Variants in CDRT4 observed in about 807,000 individuals in gnomAD.
CDRT4 encodes the protein CMT1A duplicated region transcript 4 protein.
For missense variants in CDRT4, 167 were observed against 193.1 expected (o/e 0.87, Z 0.80); for synonymous variants, 64 against 69.6 (o/e 0.92, Z 0.40).
At chr17:15,443,709 C>T in intron 2 of CDRT4, 1 of 462,214 alleles carries the variant, frequency 2.2e-6, no homozygotes, top group Non-Finnish European at 4.2e-6. Flanking sequence ...AAGGGACACA[C>T]AGTTATCGTG....
chr17:15,461,731 T>C (rs1979757532), intron 1 of CDRT4, among the ~76,000 whole-genome samples: 1 of 152,192 alleles, frequency 6.6e-6, no homozygotes, highest in African/African-American at 2.4e-5. Context: ...CTCAGTGCAA[T>C]GCTGTGCGCC....
chr17:15,460,429 T>C (rs893590893), intron 1 of CDRT4, among the ~76,000 whole-genome samples: 10 of 152,200 alleles, frequency 6.6e-5, no homozygotes, highest in Admixed American at 4.6e-4. Context: ...ACTCACACTA[T>C]AGGTGTTTAT....
chr17:15,440,212 T>A lies in CDRT4; in HGVS notation c.27A>T (p.Glu9Asp). Reference protein sequence around the residue: MDARRMKKEEGLTENTGLP... With the variant: MDARRMKKDEGLTENTGLP... ...TGGTAACACTCCCAACCCTACCTTC[T>A]TCTTTCTTCATCCTTCTTGCATCCA... Residue 9 changes from glutamate (E) to aspartate (D), a missense_variant, in exon 3 of 4, where the codon GAA becomes GAT. Physicochemically the swap from Glu to Asp is conservative, Grantham distance 45. Coordinates refer to ENST00000619038, the MANE Select transcript of CDRT4 (RefSeq NM_001204477.2). 1 of 1,613,908 alleles carries A rather than the reference T, an allele frequency of 6.2e-7. No individual in the cohort carries two copies. The highest frequency in any genetic ancestry group is 1.1e-5 in the South Asian group (1 of 91,070).
At chr17:15,445,906 G>A (rs1396349253) in intron 2 of CDRT4, among the ~76,000 whole-genome samples, 1 of 152,132 alleles carries the variant, frequency 6.6e-6, no homozygotes, top group African/African-American at 2.4e-5. Flanking sequence ...ACAGGAGCCT[G>A]ATGCAAACCC....
At position 15,464,622 on chromosome 17, in the gene CDRT4, C is replaced by T. The variant is rs1979911720; in HGVS notation, c.-130+2838G>A. Among the ~76,000 whole-genome samples the T allele has an allele frequency of 6.6e-6, 1 of 152,082 alleles. No homozygotes were observed. Among genetic ancestry groups the T allele is most frequent in the Non-Finnish European group, 1.5e-5 (1 of 68,016 alleles). On this transcript the variant is annotated intron_variant, in intron 1 of 3. Transcript: ENST00000619038. This position sits in a 1 kb window ranked among gnomAD's most constrained non-coding sequence, Gnocchi z 4.5. ...CCTCCCTGGCAGCTTCCCTCTGCTC[C>T]CCTCTCCAGCACTTTTCCAAATGTC...
At chr17:15,456,751 C>T (rs1343128849) in intron 1 of CDRT4, among the ~76,000 whole-genome samples, 3 of 152,130 alleles carry the variant, frequency 2.0e-5, no homozygotes, top group African/African-American at 4.8e-5. Flanking sequence ...CCACCAAAGA[C>T]TCTGTGGAGC....
Position 15,438,054 on chromosome 17 carries a change from C to A in CDRT4, c.178G>T (p.Glu60Ter). 1 of 1,614,124 alleles carries A rather than the reference C, an allele frequency of 6.2e-7. No homozygotes were observed. Among genetic ancestry groups the A allele is most frequent in the Non-Finnish European group, 8.5e-7 (1 of 1,180,024 alleles). The change falls in exon 4 of 4, where the codon GAA (glutamate) becomes TAA (stop). Residue 60 changes from glutamate to a stop codon, truncating the protein, a stop_gained. Transcript: ENST00000619038. LOFTEE classifies it low-confidence loss of function (END_TRUNC). ...TTCTGCCTTGATGCCCAGGGTCTTT[C>A]CTCGAGGGCACGCATGCATTCCAGT... is the stretch of plus-strand genomic sequence containing the variant. Reference protein sequence around the residue: ...RELECMRALEERPWASRQNKP... With the variant: ...RELECMRALE
At chr17:15,458,677 A>C (rs1979601580) in intron 1 of CDRT4, among the ~76,000 whole-genome samples, 1 of 152,134 alleles carries the variant, frequency 6.6e-6, no homozygotes, top group Non-Finnish European at 1.5e-5. Flanking sequence ...TGAGGGATAC[A>C]CCACCGAAGG....
At position 15,443,282 on chromosome 17, in the gene CDRT4, C is replaced by CTT. The variant is rs34600279; in HGVS notation, c.-47-2999_-47-2998dup. Among the ~76,000 whole-genome samples, 957 of 141,150 alleles carry CTT rather than the reference C, an allele frequency of 6.8e-3. 9 individuals carry two copies. The highest frequency in any genetic ancestry group is 0.022 in the African/African-American group (842 of 38,048). 92.6% of individuals were successfully genotyped at this position (141,150 alleles called of 152,430 possible). A position where few individuals can be genotyped will look rare whatever the true frequency, so the allele number is the denominator to read the frequency against. On this transcript the variant is annotated intron_variant, in intron 2 of 3. Transcript: ENST00000619038. Reference sequence around the variant, plus strand: ...AGTTCTGTAATTTCTTTTTTTCTTTCTTTTTTTTTTTTTTAGAGACAGGGC... The same window carrying CTT: ...AGTTCTGTAATTTCTTTTTTTCTTTCTTTTTTTTTTTTTTTTAGAGACAGGGC...
At position 15,446,269 on chromosome 17, in the gene CDRT4, G is replaced by A. The variant is rs140139678; in HGVS notation, c.-47-5984C>T. The stretch of plus-strand genomic sequence containing the variant: ...TGCACACCTACGGATTCTCAGTGGC[G>A]CCCCCTTCTGACTCTCTCCACTTCT... On this transcript the variant is annotated intron_variant, in intron 2 of 3. Transcript: ENST00000619038. Among the ~76,000 whole-genome samples the A allele has an allele frequency of 4.6e-3, 701 of 151,948 alleles. 10 individuals are homozygous for A. Among genetic ancestry groups the A allele is most frequent in the African/African-American group, 0.016 (655 of 41,448 alleles).
At chr17:15,438,982 T>C (rs1978628708) in intron 3 of CDRT4, among the ~76,000 whole-genome samples, 1 of 152,118 alleles carries the variant, frequency 6.6e-6, no homozygotes, top group African/African-American at 2.4e-5. Context: ...GTTTGGGGTG[T>C]TTGCCGAGGG....
intron 1 of CDRT4, among the ~76,000 whole-genome samples, chr17:15,457,721 A>G (rs1979549632): frequency 6.6e-6 from 1 of 152,228 alleles, no homozygotes; most frequent in Non-Finnish European, 1.5e-5. Context: ...CAGCTTCTCA[A>G]AAAAGCCCCC....
chr17:15,466,063 G>C (rs189371479), intron 1 of CDRT4, among the ~76,000 whole-genome samples: 3 of 152,092 alleles, frequency 2.0e-5, no homozygotes, highest in South Asian at 2.1e-4. Flanking sequence ...GGGAAAGGGA[G>C]GGGGAGGGAG....
At chr17:15,467,218 G>C in intron 1 of CDRT4, among the ~76,000 whole-genome samples, 1 of 152,298 alleles carries the variant, frequency 6.6e-6, no homozygotes, top group East Asian at 1.9e-4. Flanking sequence ...CCTAGGAATG[G>C]GACGAGCTTG....
intron 2 of CDRT4, among the ~76,000 whole-genome samples, chr17:15,442,655 G>A (rs1476461508): frequency 6.6e-6 from 1 of 152,102 alleles, no homozygotes; most frequent in East Asian, 1.9e-4. Flanking sequence ...AGAGCCTCTG[G>A]CCAGGACTCA....
At chr17:15,457,708 C>CA (rs1979549121) in intron 1 of CDRT4, among the ~76,000 whole-genome samples, 1 of 152,216 alleles carries the variant, frequency 6.6e-6, no homozygotes, top group South Asian at 2.1e-4. Flanking sequence ...GGTCTGAGCT[C>CA]AGCAGCTTCT....
At chr17:15,453,748 T>C (rs756771064) in intron 1 of CDRT4, among the ~76,000 whole-genome samples, 33 of 152,200 alleles carry the variant, frequency 2.2e-4, no homozygotes, top group Admixed American at 2.0e-3. Flanking sequence ...AAGTGTAGCA[T>C]GGAATTCAGA....
chr17:15,439,360 C>G (rs1317018332), intron 3 of CDRT4, among the ~76,000 whole-genome samples: 4 of 152,172 alleles, frequency 2.6e-5, no homozygotes, highest in African/African-American at 7.2e-5. Flanking sequence ...TGTCCAGGAG[C>G]TGGAGCTTGT....
chr17:15,459,110 T>C (rs1979622385), intron 1 of CDRT4, among the ~76,000 whole-genome samples: 1 of 152,194 alleles, frequency 6.6e-6, no homozygotes, highest in Non-Finnish European at 1.5e-5. Flanking sequence ...TATGCCAAAC[T>C]GTGCTGTCAT....
Sources: allele counts gnomAD v4.1 joint callset (sites outside exome capture counted in the v4.1 genomes callset), GRCh38; gene constraint gnomAD v4.1.1; non-coding constraint Gnocchi (gnomAD v3.1); transcripts MANE v1.5; gene names NCBI Gene and HGNC (gene_info 2026-07-23, HGNC 2026-07-21).